The following FHIT variants were observed in gnomAD, a reference collection of about 807,000 sequenced individuals.
The protein encoded by FHIT is bis(5'-adenosyl)-triphosphatase.
FHIT carries 19 observed loss-of-function variants against 17.9 expected under a neutral mutation model. The observed-to-expected ratio is 1.06, with a 90% CI of 0.74 to 1.56. The LOEUF is 1.56. FHIT is among the 40% of genes most tolerant of loss of function. The probability of loss-of-function intolerance (pLI) is 0.00; values close to 1 mark genes in which losing one functional copy is unlikely to be tolerated. For missense variants in FHIT, 248 were observed against 189.2 expected, an observed-to-expected ratio of 1.31 and a Z score of -1.82; for synonymous variants, 81 against 69.7, an observed-to-expected ratio of 1.16 and a Z score of -0.81.
At chr3:60,682,896 G>C (rs2040784224) in intron 4 of FHIT, among the ~76,000 whole-genome samples, 1 of 152,156 alleles carries the variant, frequency 6.6e-6, no homozygotes, top group African/African-American at 2.4e-5. Context: ...ATTTATGGGA[G>C]GACAACAAAA....
chr3:59,866,351 T>C (rs1008257514), intron 8 of FHIT, among the ~76,000 whole-genome samples: 1 of 151,952 alleles, frequency 6.6e-6, no homozygotes, highest in Non-Finnish European at 1.5e-5. Context: ...GTAACTGCTA[T>C]TGGGTGAATA....
intron 5 of FHIT, among the ~76,000 whole-genome samples, chr3:60,357,155 G>A (rs79615869): frequency 0.019 from 2,897 of 152,240 alleles, 67 homozygotes; most frequent in African/African-American, 0.057. Context: ...ACTCCGGATT[G>A]TTTCAAATAA....
At chr3:60,842,627 G>A (rs1312067588) in intron 3 of FHIT, among the ~76,000 whole-genome samples, 42 of 54,374 alleles carry the variant, frequency 7.7e-4, no homozygotes, top group African/African-American at 2.4e-3. Flanking sequence ...ATATATATGA[G>A]TGTATATATA....
chr3:60,976,078 T>C (rs368033853), intron 3 of FHIT, among the ~76,000 whole-genome samples: 2 of 149,474 alleles, frequency 1.3e-5, no homozygotes, highest in African/African-American at 4.9e-5. Context: ...ATACTTTGTA[T>C]CTTTCGTTTT....
chr3:59,868,337 GAA>G (rs11307941), intron 8 of FHIT, among the ~76,000 whole-genome samples: 18 of 150,878 alleles, frequency 1.2e-4, no homozygotes, highest in East Asian at 3.9e-4. Flanking sequence ...TTTCCACGCG[GAA>G]AAAAAAAATT....
chr3:60,996,490 G>A (rs2030683940), intron 3 of FHIT, among the ~76,000 whole-genome samples: 1 of 152,120 alleles, frequency 6.6e-6, no homozygotes, highest in Admixed American at 6.6e-5. Flanking sequence ...TTGTTGCTGT[G>A]AGGACTCAAC....
At chr3:59,781,176 T>G (rs957775164) in intron 8 of FHIT, among the ~76,000 whole-genome samples, 1 of 152,168 alleles carries the variant, frequency 6.6e-6, no homozygotes, top group Non-Finnish European at 1.5e-5. Context: ...TGACCTAGAA[T>G]GACCTGTAAC....
chr3:60,232,756 G>C (rs1206684767), intron 5 of FHIT, among the ~76,000 whole-genome samples: 1 of 152,144 alleles, frequency 6.6e-6, no homozygotes, highest in Admixed American at 6.5e-5. Flanking sequence ...CAGACAAGGA[G>C]ACCTGAGTGA....
At chr3:60,713,843 C>T (rs1410165520) in intron 4 of FHIT, among the ~76,000 whole-genome samples, 1 of 151,720 alleles carries the variant, frequency 6.6e-6, no homozygotes, top group Non-Finnish European at 1.5e-5. Context: ...CAGCCGAATT[C>T]TACCAGAGGT....
intron 5 of FHIT, among the ~76,000 whole-genome samples, chr3:60,125,022 G>A (rs1705477655): frequency 6.6e-6 from 1 of 152,186 alleles, no homozygotes; most frequent in Admixed American, 6.5e-5. Flanking sequence ...TTACAGAATA[G>A]ATATAGCTGA....
rs182057207 is a variant in FHIT, at chr3:60,727,840, A to G, written c.-18+94079T>C. On this transcript the variant is annotated intron_variant, in intron 4 of 9. Coordinates refer to ENST00000492590, the MANE Select transcript of FHIT (RefSeq NM_002012.4). ...AACATGGTGAAACCCCATCTCTACT[A>G]AAAAATACAAAAAATTAGCTGGGCA... 6.3e-3 allele frequency among the ~76,000 whole-genome samples: 959 copies of G among 152,036 alleles called. 8 individuals are homozygous for G. The highest frequency in any genetic ancestry group is 9.8e-3 in the Non-Finnish European group (664 of 67,948).
chr3:60,680,386 T>C (rs2107860887), intron 4 of FHIT, among the ~76,000 whole-genome samples: 1 of 152,314 alleles, frequency 6.6e-6, no homozygotes, highest in Non-Finnish European at 1.5e-5. Flanking sequence ...TTAGTTATTT[T>C]TCTATTGATT....
chr3:60,684,724 A>G (rs2040824773), intron 4 of FHIT, among the ~76,000 whole-genome samples: 1 of 152,130 alleles, frequency 6.6e-6, no homozygotes, highest in Non-Finnish European at 1.5e-5. Context: ...TAGTTCACAG[A>G]CTAGATCACC....
chr3:60,228,288 G>A (rs570157458), intron 5 of FHIT, among the ~76,000 whole-genome samples: 1 of 152,114 alleles, frequency 6.6e-6, no homozygotes, highest in Non-Finnish European at 1.5e-5. Context: ...GAAAATTAGT[G>A]GTTGCCAGGG....
At chr3:60,587,844 C>T (rs1342261011) in intron 4 of FHIT, among the ~76,000 whole-genome samples, 1 of 152,062 alleles carries the variant, frequency 6.6e-6, no homozygotes, top group Non-Finnish European at 1.5e-5. Flanking sequence ...ATTTCACAGA[C>T]TTGGCACAGA....
At chr3:59,804,010 G>A (rs551388842) in intron 8 of FHIT, among the ~76,000 whole-genome samples, 5 of 152,282 alleles carry the variant, frequency 3.3e-5, no homozygotes, top group African/African-American at 7.2e-5. Context: ...GGTTCTCAGG[G>A]GTAGGGCTTC....
chr3:60,950,648 CTGGGATTA>C (rs1442365910), intron 3 of FHIT, among the ~76,000 whole-genome samples: 3 of 151,840 alleles, frequency 2.0e-5, no homozygotes, highest in Admixed American at 6.6e-5. Context: ...TCCCAAGTAG[CTGGGATTA>C]CAGGCACGCA....
rs754046097 is a variant in FHIT at position 60,027,108 on chromosome 3, G to GACACACAC, written c.104-12964_104-12957dup. Among the ~76,000 whole-genome samples the GACACACAC allele has an allele frequency of 9.4e-4, 83 of 88,094 alleles. 5 individuals are homozygous for GACACACAC. The highest frequency in any genetic ancestry group is 6.1e-4 in the Admixed American group (5 of 8,206). 57.8% of individuals were successfully genotyped at this position (88,094 alleles called of 152,430 possible). ...AGTGAGTAAGACTGTTTCACACACA[G>GACACACAC]ACACACACACACACACACACACACA... On this transcript the variant is annotated intron_variant, in intron 5 of 9. Transcript: ENST00000492590.
intron 4 of FHIT, among the ~76,000 whole-genome samples, chr3:60,683,582 C>T (rs978531631): frequency 2.0e-5 from 3 of 151,948 alleles, no homozygotes; most frequent in Non-Finnish European, 4.4e-5. Flanking sequence ...GTAAACACAA[C>T]TTTTATATTC....
Sources: gnomAD v4.1 joint callset for allele counts (sites outside exome capture counted in the v4.1 genomes callset) on GRCh38, gnomAD v4.1.1 for gene constraint, MANE v1.5 for transcripts, NCBI Gene and HGNC (gene_info 2026-07-23, HGNC 2026-07-21) for gene names.